The following RHBDD1 variants were observed in gnomAD, a reference collection of about 807,000 sequenced individuals.
RHBDD1 encodes the protein rhomboid domain containing 1.
Under a neutral mutation model 36.3 loss-of-function variants are expected in RHBDD1, and 38 were observed. The observed-to-expected ratio is 1.05, with a 90% confidence interval of 0.81 to 1.37. RHBDD1 has a LOEUF of 1.37. Ranked by LOEUF, RHBDD1 falls within the 40% of genes most tolerant of loss-of-function variation. RHBDD1 has a pLI of 0.00. For missense variants in RHBDD1, 393 were observed against 377.6 expected (o/e 1.04, Z -0.34); for synonymous variants, 151 against 136.5 (o/e 1.11, Z -0.74).
chr2:226,839,848 A>G (rs559248273), intron 3 of RHBDD1, among the ~76,000 whole-genome samples: 3 of 152,116 alleles, frequency 2.0e-5, no homozygotes, highest in Non-Finnish European at 4.4e-5. Flanking sequence ...ATTAAAAGCT[A>G]TTTGGCATTT....
chr2:226,889,715 A>G (rs1262725165), intron 5 of RHBDD1, among the ~76,000 whole-genome samples: 2 of 152,160 alleles, frequency 1.3e-5, no homozygotes, highest in East Asian at 1.9e-4. Context: ...ATAAACCCTA[A>G]TTATACTTTT....
At chr2:226,972,001 G>T (rs1360700998) in intron 8 of RHBDD1, among the ~76,000 whole-genome samples, 1 of 151,640 alleles carries the variant, frequency 6.6e-6, no homozygotes, top group Non-Finnish European at 1.5e-5. Context: ...ACGGTGGTTT[G>T]CTGCACCTGT....
chr2:226,875,625 C>T (rs367544912), intron 5 of RHBDD1, among the ~76,000 whole-genome samples: 127 of 152,184 alleles, frequency 8.3e-4, no homozygotes, highest in African/African-American at 2.9e-3. Flanking sequence ...AATTAGGAGG[C>T]GCTGCAGAGG....
chr2:226,938,614 A>C (rs942494353), intron 8 of RHBDD1, among the ~76,000 whole-genome samples: 9 of 152,292 alleles, frequency 5.9e-5, no homozygotes, highest in Middle Eastern at 6.8e-3. Flanking sequence ...AAGTTCTGAA[A>C]TTGAAGCAGT....
At position 226,865,110 on chromosome 2, in the gene RHBDD1, T is replaced by G; in HGVS notation, c.417T>G (p.Cys139Trp). Residue 139 changes from cysteine (C) to tryptophan (W), a missense_variant, in exon 4 of 9, where the codon TGT becomes TGG. By Grantham distance (215) the Cys-to-Trp change is radical (BLOSUM62 -2). Coordinates refer to ENST00000392062, the MANE Select transcript of RHBDD1 (RefSeq NM_001167608.3). ...ATGAACCTGACTTCAAAAGGAGCTG[T>G]GCTGTAGGTTTCTCAGGTAAGGGAG... Reference protein sequence around the residue: ...FMDEPDFKRSCAVGFSGVLFA... With the variant: ...FMDEPDFKRSWAVGFSGVLFA... 6.2e-7 allele frequency: 1 copy of G among 1,611,608 alleles called. No homozygotes were observed. Among genetic ancestry groups the G allele is most frequent in the Non-Finnish European group, 8.5e-7 (1 of 1,178,836 alleles).
rs571930380 is a variant in RHBDD1, at chr2:226,948,792, G to A, written c.856+34441G>A. On this transcript the variant is annotated intron_variant, in intron 8 of 8. Coordinates refer to ENST00000392062, the MANE Select transcript of RHBDD1 (RefSeq NM_001167608.3). ...AACATAGTATTGTAAGTTCTGGCTA[G>A]GGCAATCAGGCAAGAGAAAGAAATA... Among the ~76,000 whole-genome samples the A allele has an allele frequency of 1.9e-4, 29 of 152,196 alleles. No homozygotes were observed. In the South Asian group the frequency reaches 6.0e-3, roughly 32 times the overall value.
chr2:226,940,568 C>T (rs1368657626), intron 8 of RHBDD1, among the ~76,000 whole-genome samples: 1 of 151,502 alleles, frequency 6.6e-6, no homozygotes, highest in African/African-American at 2.4e-5. Flanking sequence ...GATTATATGC[C>T]CACAATTATA....
rs998770034 is a variant in RHBDD1 at position 226,904,414 on chromosome 2, C to T, written c.567-2379C>T. 2.7e-3 allele frequency among the ~76,000 whole-genome samples: 127 copies of T among 46,600 alleles called. 1 individual carries two copies. Among genetic ancestry groups the T allele is most frequent in the South Asian group, 3.6e-3 (4 of 1,112 alleles). 30.6% of individuals were successfully genotyped at this position (46,600 alleles called of 152,430 possible). On this transcript the variant is annotated intron_variant, in intron 5 of 8. Coordinates refer to ENST00000392062, the MANE Select transcript of RHBDD1 (RefSeq NM_001167608.3). ...ACACCACTGTGGCACATCCTGCAAG[C>T]GGGGGGGGAGGGGGGTCAGGGAACT...
chr2:226,835,808 G>A (rs1559174266), upstream of RHBDD1: 1 of 152,310 alleles, frequency 6.6e-6, no homozygotes, highest in Admixed American at 6.5e-5. Context: ...ATGGAGCTTA[G>A]AGGACAGGGC....
At position 226,995,789 on chromosome 2, in the gene RHBDD1, C is replaced by A; in HGVS notation, c.*267C>A. 1 of 467,600 alleles carries A rather than the reference C, an allele frequency of 2.1e-6. No individual in the cohort carries two copies. The highest frequency in any genetic ancestry group is 3.8e-6 in the Non-Finnish European group (1 of 265,388). 29.0% of individuals were successfully genotyped at this position (467,600 alleles called of 1,614,324 possible). On this transcript the variant is annotated 3_prime_UTR_variant, in exon 9 of 9. Coordinates refer to ENST00000392062, the MANE Select transcript of RHBDD1 (RefSeq NM_001167608.3). The stretch of plus-strand genomic sequence containing the variant: ...GACCAGTTTCCACGCTCCCATCTCT[C>A]ACTGCTGACTCAGCGATGCCTCTGC...
intron 5 of RHBDD1, among the ~76,000 whole-genome samples, chr2:226,871,802 G>T (rs1008290780): frequency 3.9e-5 from 6 of 152,170 alleles, no homozygotes; most frequent in African/African-American, 1.4e-4. Flanking sequence ...GATACATGTT[G>T]CATTACGTCA....
At chr2:226,831,957 GTTTT>G (rs58851411), upstream of RHBDD1, among the ~76,000 whole-genome samples, 57 of 139,132 alleles carry the variant, frequency 4.1e-4, no homozygotes, top group African/African-American at 5.0e-4. Context: ...AATTTTACTG[GTTTT>G]TTTTTTTTTC....
At chr2:226,840,182 A>G (rs1941453186) in intron 3 of RHBDD1, among the ~76,000 whole-genome samples, 1 of 152,160 alleles carries the variant, frequency 6.6e-6, no homozygotes, top group Non-Finnish European at 1.5e-5. Flanking sequence ...CTTTCAATCA[A>G]CCAGCTGCTT....
chr2:226,906,697 C>T (rs1287411317), intron 5 of RHBDD1, 96 bp from the exon 6 acceptor site: 1 of 1,598,830 alleles, frequency 6.3e-7, no homozygotes, highest in South Asian at 1.1e-5. Context: ...AGCCTGCAGA[C>T]TGTGACTATT....
At chr2:226,990,012 AT>A (rs1957819813) in intron 8 of RHBDD1, among the ~76,000 whole-genome samples, 1 of 152,250 alleles carries the variant, frequency 6.6e-6, no homozygotes, top group Admixed American at 6.5e-5. Context: ...TCACATCTAA[AT>A]ATTACCTTTC....
intron 8 of RHBDD1, among the ~76,000 whole-genome samples, chr2:226,984,654 C>T (rs998754897): frequency 5.9e-5 from 9 of 152,116 alleles, no homozygotes; most frequent in Non-Finnish European, 1.5e-5. Flanking sequence ...GCCCTGGGGT[C>T]GTAGGCTAAG....
intron 7 of RHBDD1, 83 bp from the exon 8 acceptor site, chr2:226,914,125 C>A: frequency 8.1e-7 from 1 of 1,231,888 alleles, no homozygotes; most frequent in Non-Finnish European, 1.2e-6. Context: ...ATGCCTTACT[C>A]GCTTGTCTTT....
intron 8 of RHBDD1, among the ~76,000 whole-genome samples, chr2:226,916,533 T>C (rs1182041903): frequency 6.6e-6 from 1 of 152,142 alleles, no homozygotes; most frequent in African/African-American, 2.4e-5. Flanking sequence ...CTCTATCCCC[T>C]TCAAGGCTGA....
At chr2:226,945,865 C>T (rs1451004910) in intron 8 of RHBDD1, among the ~76,000 whole-genome samples, 7 of 152,018 alleles carry the variant, frequency 4.6e-5, no homozygotes, top group Admixed American at 1.3e-4. Flanking sequence ...TGGCATGAGA[C>T]GGTATCTCAT....
Sources: allele counts gnomAD v4.1 joint callset (sites outside exome capture counted in the v4.1 genomes callset), GRCh38; gene constraint gnomAD v4.1.1; transcripts MANE v1.5; gene names NCBI Gene and HGNC (gene_info 2026-07-23, HGNC 2026-07-21).